The following ADAMTS10 variants were observed in gnomAD, a reference collection of about 807,000 sequenced individuals.
ADAMTS10 encodes A disintegrin and metalloproteinase with thrombospondin motifs 10.
A neutral mutation model predicts 135.9 loss-of-function variants in ADAMTS10; 48 were observed. That is an observed-to-expected ratio of 0.35 (90% CI 0.28 to 0.45). The LOEUF is 0.45. Ranked by LOEUF, ADAMTS10 falls within the 20% of genes least tolerant of loss-of-function variation. ADAMTS10 has a pLI of 1.00. For synonymous variants in ADAMTS10, 621 were observed against 647.5 expected (o/e 0.96, Z 0.62); for missense variants, 1,131 against 1,565.2 (o/e 0.72, Z 4.68).
chr19:8,602,986 C>T (rs2042682751), intron 5 of ADAMTS10, among the ~76,000 whole-genome samples: 1 of 152,146 alleles, frequency 6.6e-6, no homozygotes, highest in Admixed American at 6.6e-5. Context: ...GTATAGCTTT[C>T]CTTCTCTCTC....
chr19:8,589,449 C>T lies in ADAMTS10; in HGVS notation c.2034+3G>A. 6.2e-7 allele frequency: 1 copy of T among 1,613,712 alleles called. No homozygotes were observed. Among genetic ancestry groups the T allele is most frequent in the Non-Finnish European group, 8.5e-7 (1 of 1,179,940 alleles). On this transcript the variant is annotated splice_donor_region_variant and intron_variant, in intron 17 of 25. Transcript: ENST00000597188. ...TCTCCACCTCCCTGGGAGTCCCCTC[C>T]ACCTTGCATTCGCCACTGACGCAAA...
chr19:8,607,045 G>A (rs2042728931), intron 2 of ADAMTS10, among the ~76,000 whole-genome samples: 1 of 152,144 alleles, frequency 6.6e-6, no homozygotes. Flanking sequence ...CCTGGCATGA[G>A]CCCAGACAGG....
chr19:8,591,394 C>T (rs1232021253), intron 15 of ADAMTS10, among the ~76,000 whole-genome samples: 2 of 151,296 alleles, frequency 1.3e-5, no homozygotes, highest in Non-Finnish European at 2.9e-5. Context: ...GCTGCAGGTT[C>T]CCCAGGAGGC....
At chr19:8,581,608 G>A (rs990227654) in intron 25 of ADAMTS10, among the ~76,000 whole-genome samples, 1 of 152,078 alleles carries the variant, frequency 6.6e-6, no homozygotes, top group East Asian at 1.9e-4. Flanking sequence ...GCCGAGGCAG[G>A]TGGATCACTT....
At position 8,597,279 on chromosome 19, in the gene ADAMTS10, G is replaced by A. The variant is rs375248088; in HGVS notation, c.849C>T (p.Thr283=). Residue 283 remains threonine, a synonymous_variant, in exon 7 of 26, where the codon ACC becomes ACT. Transcript: ENST00000597188. The part of the protein sequence containing the change: ...KLFQDSSLGS[T]VNILVTRLIL... The stretch of plus-strand genomic sequence containing the variant: ...TGAGGCGAGTTACGAGGATGTTAAC[G>A]GTGCTTCCCAGACTCGAGTCCTGGA... 5 of 1,614,098 alleles carry A rather than the reference G, an allele frequency of 3.1e-6. No individual in the cohort carries two copies. The highest frequency in any genetic ancestry group is 3.3e-5 in the Admixed American group (2 of 60,008).
chr19:8,597,815 T>A (rs1183580006), intron 6 of ADAMTS10, among the ~76,000 whole-genome samples: 2 of 152,092 alleles, frequency 1.3e-5, no homozygotes, highest in Non-Finnish European at 2.9e-5. Context: ...TAATTTTTTT[T>A]TTTTTGAGAC....
chr19:8,595,741 AAGC>A lies in ADAMTS10; in HGVS notation c.1479+18_1479+20del. 4 of 1,594,484 alleles carry A rather than the reference AAGC, an allele frequency of 2.5e-6. No homozygotes were observed. Among genetic ancestry groups the A allele is most frequent in the Non-Finnish European group, 3.4e-6 (4 of 1,168,978 alleles). On this transcript the variant is annotated intron_variant, in intron 12 of 25. Coordinates refer to ENST00000597188, the MANE Select transcript of ADAMTS10 (RefSeq NM_030957.4). Reference sequence around the variant, plus strand: ...CGGCCCCCTCCCCTCCCAGGAAGGAAAGCAGGAAGACTCTCTCTACCCCGTATT... The same window carrying A: ...CGGCCCCCTCCCCTCCCAGGAAGGAAAGGAAGACTCTCTCTACCCCGTATT...
At chr19:8,603,588 A>G (rs1378509194) in intron 5 of ADAMTS10, 140 bp downstream of exon 5, 23 of 1,334,112 alleles carry the variant, frequency 1.7e-5, no homozygotes, top group Non-Finnish European at 2.3e-5. Context: ...CTCCATAATT[A>G]TATCACTGTG....
intron 25 of ADAMTS10, among the ~76,000 whole-genome samples, chr19:8,583,256 A>G (rs1288426579): frequency 6.6e-5 from 10 of 151,630 alleles, no homozygotes; most frequent in Admixed American, 2.6e-4. Flanking sequence ...AAATAAATTT[A>G]TGGACCTGGC....
rs550993677 is a variant in ADAMTS10 at position 8,584,874 on chromosome 19, C to G, written c.3202+21G>C. ...TCTGGCCAGGACCCTCCTGGCGCACCCTGGCTGGTCACCCACATACCTTCA... is the reference window on the plus strand; with the variant it reads ...TCTGGCCAGGACCCTCCTGGCGCACGCTGGCTGGTCACCCACATACCTTCA... On this transcript the variant is annotated intron_variant, in intron 25 of 25. Coordinates refer to ENST00000597188, the MANE Select transcript of ADAMTS10 (RefSeq NM_030957.4). 4 of 1,548,484 alleles carry G rather than the reference C, an allele frequency of 2.6e-6. No homozygotes were observed. In the African/African-American group the frequency reaches 4.1e-5, roughly 16 times the overall value.
Position 8,588,565 on chromosome 19 carries a change from C to T in ADAMTS10, c.2158+677G>A, listed in dbSNP as rs533163521. On this transcript the variant is annotated intron_variant, in intron 18 of 25. Coordinates refer to ENST00000597188, the MANE Select transcript of ADAMTS10 (RefSeq NM_030957.4). The stretch of plus-strand genomic sequence containing the variant: ...TTCCTGAGCCTCCTCCCCTCTTGCC[C>T]ACTCCCTGGGCTCTCTGTCACTTGC... 3.3e-5 allele frequency among the ~76,000 whole-genome samples: 5 copies of T among 152,296 alleles called. No homozygotes were observed. In the East Asian group the frequency reaches 7.7e-4, roughly 24 times the overall value.
chr19:8,605,848 G>A lies in ADAMTS10; in HGVS notation c.-99-39C>T, dbSNP rs180882306. On this transcript the variant is annotated intron_variant, in intron 2 of 25. Transcript: ENST00000597188. The surrounding 1 kb of genome is among the most constrained non-coding windows in gnomAD (Gnocchi z 7.7). ...GCCAGGTAAGGGGGCGCCTGGTCCCGCTGTCCAGCACAACCAATGCCAAGG... is the reference window on the plus strand; with the variant it reads ...GCCAGGTAAGGGGGCGCCTGGTCCCACTGTCCAGCACAACCAATGCCAAGG... 637 of 1,470,776 alleles carry A rather than the reference G, an allele frequency of 4.3e-4. No homozygotes were observed. Among genetic ancestry groups the A allele is most frequent in the Non-Finnish European group, 5.0e-4 (561 of 1,112,612 alleles). The allele number at this position is 1,470,776 out of a possible 1,614,324, so 91.1% of individuals were successfully genotyped here. A position where few individuals can be genotyped will look rare whatever the true frequency, so the allele number is the denominator to read the frequency against.
rs1354600895 is a variant in ADAMTS10 at position 8,581,124 on chromosome 19, A to G, written c.3203-122T>C. On this transcript the variant is annotated intron_variant, in intron 25 of 25. Coordinates refer to ENST00000597188, the MANE Select transcript of ADAMTS10 (RefSeq NM_030957.4). Reference sequence around the variant, plus strand: ...CTGTGCCTTGGTTTCTTTCTTTTTAAATTTACTTTTTTTTTTTTTTTTTTT... The same window carrying G: ...CTGTGCCTTGGTTTCTTTCTTTTTAGATTTACTTTTTTTTTTTTTTTTTTT... 1.4e-5 allele frequency: 4 copies of G among 277,322 alleles called. No homozygotes were observed. In the Admixed American group the frequency reaches 3.1e-4, roughly 21 times the overall value. 17.2% of individuals were successfully genotyped at this position (277,322 alleles called of 1,614,324 possible).
rs1555739441 is a variant in ADAMTS10, at chr19:8,592,834, T to C, written c.1516A>G (p.Asn506Asp). Reference protein sequence around the residue: ...CSELWCLSKSNRCITNSIPAA... With the variant: ...CSELWCLSKSDRCITNSIPAA... ...GGGATGCTGTTGGTGATGCACCGGT[T>C]GCTCTTGCTCAGACACCACAGCTCG... Residue 506 changes from asparagine to aspartate, a missense_variant, in exon 13 of 26, where the codon AAC becomes GAC. Physicochemically the swap from Asn to Asp is conservative, Grantham distance 23. Coordinates refer to ENST00000597188, the MANE Select transcript of ADAMTS10 (RefSeq NM_030957.4). The C allele has an allele frequency of 1.2e-6, 2 of 1,612,992 alleles. No homozygotes were observed. Among genetic ancestry groups the C allele is most frequent in the Non-Finnish European group, 1.7e-6 (2 of 1,179,874 alleles).
Position 8,601,005 on chromosome 19 carries a change from C to T in ADAMTS10, c.733G>A (p.Val245Met). The change falls in exon 6 of 26, where the codon GTG becomes ATG. Residue 245 changes from valine (V) to methionine (M), a missense_variant. Transcript: ENST00000597188. The surrounding 1 kb of genome is among the most constrained non-coding windows in gnomAD (Gnocchi z 4.6). Reference sequence around the variant, plus strand: ...GCCACCATCATCTTGTCAGCCACCACCAGGGTCTCCACGTAGCGCTCTCGG... The same window carrying T: ...GCCACCATCATCTTGTCAGCCACCATCAGGGTCTCCACGTAGCGCTCTCGG... ...VSRERYVETL[V>M]VADKMMVAYH... is the part of the protein sequence containing the mutation. 1.2e-6 allele frequency: 2 copies of T among 1,614,190 alleles called. No homozygotes were observed. Among genetic ancestry groups the T allele is most frequent in the Non-Finnish European group, 1.7e-6 (2 of 1,180,042 alleles).
At chr19:8,590,162 C>T (rs974855903) in intron 15 of ADAMTS10, among the ~76,000 whole-genome samples, 171 bp from the exon 16 acceptor site, 2 of 151,946 alleles carry the variant, frequency 1.3e-5, no homozygotes, top group Non-Finnish European at 2.9e-5. Context: ...CTGGGCTGGG[C>T]GTGTAGACAC....
At chr19:8,592,717 T>G (rs375706509) in intron 13 of ADAMTS10, 46 bp downstream of exon 13, 12 of 1,546,514 alleles carry the variant, frequency 7.8e-6, no homozygotes, top group South Asian at 1.2e-5. Context: ...ACGCGGGAGG[T>G]GGCTCAGGGG....
At position 8,600,660 on chromosome 19, in the gene ADAMTS10, G is replaced by A. The variant is rs553141569; in HGVS notation, c.810+268C>T. ...ACTACAGGCGCCCGCCACCACACTCGGCTAATTTTTTGTATTTTTAGTAGA... is the reference window on the plus strand; with the variant it reads ...ACTACAGGCGCCCGCCACCACACTCAGCTAATTTTTTGTATTTTTAGTAGA... On this transcript the variant is annotated intron_variant, in intron 6 of 25. Coordinates refer to ENST00000597188, the MANE Select transcript of ADAMTS10 (RefSeq NM_030957.4). Among the ~76,000 whole-genome samples, 148 of 151,758 alleles carry A rather than the reference G, an allele frequency of 9.8e-4. 1 individual carries two copies. The highest frequency in any genetic ancestry group is 1.8e-3 in the Non-Finnish European group (122 of 67,932).
At chr19:8,604,568 C>G (rs1555742102) in intron 4 of ADAMTS10, among the ~76,000 whole-genome samples, 2 of 151,452 alleles carry the variant, frequency 1.3e-5, no homozygotes, top group African/African-American at 4.9e-5. Flanking sequence ...TGAGACCTCC[C>G]CCTCCTGAGT....
Sources: allele counts gnomAD v4.1 joint callset (sites outside exome capture counted in the v4.1 genomes callset), GRCh38; gene constraint gnomAD v4.1.1; non-coding constraint Gnocchi (gnomAD v3.1); transcripts MANE v1.5; gene names NCBI Gene and HGNC (gene_info 2026-07-23, HGNC 2026-07-21).